ZMYM2: variants seen among roughly 807,000 people sequenced by gnomAD.
ZMYM2 encodes the protein zinc finger MYM-type containing 2.
In ZMYM2, 56 loss-of-function variants were observed where a neutral mutation model predicts 162.8. The observed-to-expected ratio is 0.34, with a 90% CI of 0.28 to 0.43. The LOEUF (loss-of-function observed/expected upper bound fraction) is 0.43, where lower values mean the gene tolerates loss of function less well. Ranked by LOEUF, ZMYM2 falls within the 20% of genes least tolerant of loss-of-function variation. ZMYM2 has a pLI of 1.00. For missense variants in ZMYM2, 1,275 were observed against 1,621.8 expected (o/e 0.79, Z 3.67); for synonymous variants, 510 against 541.6 (o/e 0.94, Z 0.81).
the ZMYM2 span, among the ~76,000 whole-genome samples, chr13:19,914,246 A>G: frequency 4.6e-5 from 7 of 152,236 alleles, no homozygotes; most frequent in African/African-American, 1.7e-4. Flanking sequence ...AATGCTCACT[A>G]AAGAGTGACC....
chr13:19,910,052 TA>T, the ZMYM2 span, among the ~76,000 whole-genome samples: 111,581 of 140,828 alleles, frequency 0.79, 44,701 homozygotes, highest in East Asian at 0.95. Context: ...CCATCTCTAG[TA>T]AAAAAAAAAA....
At chr13:19,879,276 T>C in the ZMYM2 span, among the ~76,000 whole-genome samples, 2 of 152,168 alleles carry the variant, frequency 1.3e-5, no homozygotes, top group Non-Finnish European at 2.9e-5. Context: ...TATAGTACTC[T>C]TGTTGAAAAT....
intron 2 of ZMYM2, among the ~76,000 whole-genome samples, chr13:19,980,598 A>C (rs1957229938): frequency 6.6e-6 from 1 of 151,822 alleles, no homozygotes; most frequent in Non-Finnish European, 1.5e-5. Flanking sequence ...CTAAAAATAC[A>C]AAAAGTTAGC....
intron 2 of ZMYM2, among the ~76,000 whole-genome samples, chr13:19,963,619 A>G (rs913338929): frequency 7.2e-5 from 11 of 152,180 alleles, no homozygotes; most frequent in Admixed American, 3.9e-4. Flanking sequence ...TAGACATATG[A>G]AAAGGGTCTT....
At chr13:19,885,939 A>ATGTG in the ZMYM2 span, among the ~76,000 whole-genome samples, 90 of 121,260 alleles carry the variant, frequency 7.4e-4, 22 homozygotes, top group African/African-American at 3.5e-3. Flanking sequence ...GTATACACAT[A>ATGTG]TATATGTATA....
chr13:19,890,505 T>TA, the ZMYM2 span, among the ~76,000 whole-genome samples: 14 of 98,454 alleles, frequency 1.4e-4, no homozygotes, highest in Admixed American at 5.3e-4. Context: ...AGTGCTTTTG[T>TA]AAAAAAAAAA....
At chr13:19,931,921 A>G in the ZMYM2 span, among the ~76,000 whole-genome samples, 2 of 152,320 alleles carry the variant, frequency 1.3e-5, no homozygotes, top group African/African-American at 4.8e-5. Context: ...CACTACACCC[A>G]GTTCCTTATT....
chr13:19,890,522 A>AAAAAAAAG, the ZMYM2 span, among the ~76,000 whole-genome samples: 18 of 148,328 alleles, frequency 1.2e-4, no homozygotes, highest in South Asian at 4.3e-4. Flanking sequence ...AAAAAAAAAA[A>AAAAAAAAG]GTTGGGAAAA....
intron 12 of ZMYM2, among the ~76,000 whole-genome samples, chr13:20,037,574 A>G (rs1258603631): frequency 2.6e-5 from 4 of 152,110 alleles, no homozygotes; most frequent in Non-Finnish European, 5.9e-5. Flanking sequence ...ATTGTTTTGG[A>G]TACTTGAGAT....
At chr13:19,930,862 G>A in the ZMYM2 span, among the ~76,000 whole-genome samples, 1 of 151,076 alleles carries the variant, frequency 6.6e-6, no homozygotes, top group African/African-American at 2.4e-5. Context: ...ATTTAAGGCC[G>A]GGCGCGGTGG....
chr13:19,870,595 CCTTTCTTT>C, the ZMYM2 span, among the ~76,000 whole-genome samples: 2 of 142,694 alleles, frequency 1.4e-5, no homozygotes, highest in East Asian at 2.2e-4. Flanking sequence ...TTCCTTCCTT[CCTTTCTTT>C]CTTTCTTTCC....
chr13:19,979,324 T>C (rs1957088751), intron 2 of ZMYM2, among the ~76,000 whole-genome samples: 1 of 152,196 alleles, frequency 6.6e-6, no homozygotes, highest in African/African-American at 2.4e-5. Flanking sequence ...CCATTGTTTC[T>C]TCAAATGTTT....
chr13:20,022,015 A>G (rs1466841950), intron 7 of ZMYM2, among the ~76,000 whole-genome samples: 1 of 151,976 alleles, frequency 6.6e-6, no homozygotes, highest in Non-Finnish European at 1.5e-5. Flanking sequence ...TCCCCCAGCT[A>G]CTTCTAGGCC....
intron 14 of ZMYM2, 50 bp downstream of exon 14, chr13:20,052,361 G>T: frequency 6.6e-7 from 1 of 1,505,682 alleles, no homozygotes; most frequent in Non-Finnish European, 8.9e-7. Context: ...GTAATATGGG[G>T]TAAAAAATAA....
chr13:19,993,491 A>G lies in ZMYM2; in HGVS notation c.419A>G (p.Glu140Gly). 1 of 1,614,156 alleles carries G rather than the reference A, an allele frequency of 6.2e-7. No individual in the cohort carries two copies. Among genetic ancestry groups the G allele is most frequent in the Non-Finnish European group, 8.5e-7 (1 of 1,180,014 alleles). The change falls in exon 3 of 25, where the codon GAA (glutamate) becomes GGA (glycine). Residue 140 changes from glutamate (E) to glycine (G), a missense_variant. By Grantham distance (98) the Glu-to-Gly change is moderately conservative (BLOSUM62 -2). Around this residue, in one of 10 missense-constraint regions of ZMYM2, gnomAD observed 295 missense variants for 286.7 expected, o/e 1.03. Transcript: ENST00000610343. The stretch of plus-strand genomic sequence containing the variant: ...GAGAAAAATTCCTCCAATTTTATTG[A>G]ACGAAGACCTCCTGAGACTAAAAAC... The part of the protein sequence containing the change: ...GQEKNSSNFI[E>G]RRPPETKNRT...
At chr13:20,006,869 T>C (rs1173668471) in intron 6 of ZMYM2, among the ~76,000 whole-genome samples, 1 of 152,184 alleles carries the variant, frequency 6.6e-6, no homozygotes, top group Non-Finnish European at 1.5e-5. Context: ...AAGTTGGAAA[T>C]GTCTTAGAAT....
At chr13:19,951,791 T>G in the ZMYM2 span, among the ~76,000 whole-genome samples, 5 of 152,122 alleles carry the variant, frequency 3.3e-5, no homozygotes, top group Non-Finnish European at 7.4e-5. Flanking sequence ...TTGCTAGGAA[T>G]GTAAATTAAT....
At position 19,974,797 on chromosome 13, in the gene ZMYM2, C is replaced by T. The variant is rs146709970; in HGVS notation, c.-11+14771C>T. On this transcript the variant is annotated intron_variant, in intron 2 of 24. Coordinates refer to ENST00000610343, the MANE Select transcript of ZMYM2 (RefSeq NM_197968.4). ...TTCTTTAAAATATGAGATAATATAT[C>T]TGTTGGATGGATGCCTAAAAGTGGA... Among the ~76,000 whole-genome samples, 132 of 152,186 alleles carry T rather than the reference C, an allele frequency of 8.7e-4. 1 individual carries two copies. Among genetic ancestry groups the T allele is most frequent in the African/African-American group, 2.9e-3 (119 of 41,526 alleles).
chr13:20,028,560 C>T (rs545204698), intron 9 of ZMYM2, among the ~76,000 whole-genome samples: 1 of 152,228 alleles, frequency 6.6e-6, no homozygotes, highest in South Asian at 2.1e-4. Flanking sequence ...CCTTGATATC[C>T]ATGGGCAAGT....
Sources: gnomAD v4.1 joint callset for allele counts (sites outside exome capture counted in the v4.1 genomes callset) on GRCh38, gnomAD v4.1.1 for gene constraint, gnomAD v4.1.1 regional missense constraint, MANE v1.5 for transcripts, NCBI Gene and HGNC (gene_info 2026-07-23, HGNC 2026-07-21) for gene names.